EPHB1: variants seen among roughly 807,000 people sequenced by gnomAD.
EPHB1 encodes the protein EPH receptor B1.
EPHB1 carries 30 observed loss-of-function variants against 94.4 expected under a neutral mutation model. That is an observed-to-expected ratio of 0.32 (90% CI 0.24 to 0.43). The LOEUF is 0.43. Among genes scored for constraint, EPHB1 ranks in the 20% least tolerant of loss-of-function variants. EPHB1 has a pLI of 1.00. For synonymous variants in EPHB1, 522 were observed against 489.1 expected (o/e 1.07, Z -0.89); for missense variants, 1,055 against 1,308.3 (o/e 0.81, Z 2.99).
chr3:135,234,506 T>A (rs1393390363), intron 12 of EPHB1, among the ~76,000 whole-genome samples: 1 of 152,236 alleles, frequency 6.6e-6, no homozygotes, highest in African/African-American at 2.4e-5. Context: ...CCAAAGTCAC[T>A]ACCACATTTT....
chr3:135,203,880 G>T (rs577422401), intron 12 of EPHB1, among the ~76,000 whole-genome samples: 2 of 152,106 alleles, frequency 1.3e-5, no homozygotes, highest in Non-Finnish European at 2.9e-5. Flanking sequence ...GTATGGTGCC[G>T]GGCTTCAGCA....
chr3:134,808,712 T>C (rs1029896748), intron 1 of EPHB1, among the ~76,000 whole-genome samples: 1 of 152,200 alleles, frequency 6.6e-6, no homozygotes, highest in African/African-American at 2.4e-5. Flanking sequence ...AAGGGAGGTC[T>C]GGAGACAGCT....
chr3:134,992,361 C>G (rs1417473037), intron 3 of EPHB1, among the ~76,000 whole-genome samples: 1 of 152,026 alleles, frequency 6.6e-6, no homozygotes, highest in Admixed American at 6.6e-5. Context: ...AGAGAGCCAA[C>G]CACGCACAGC....
At chr3:135,060,039 A>C (rs1316544487) in intron 3 of EPHB1, among the ~76,000 whole-genome samples, 1 of 152,228 alleles carries the variant, frequency 6.6e-6, no homozygotes, top group East Asian at 1.9e-4. Flanking sequence ...ACAATATTGA[A>C]ATATATTTAA....
chr3:134,963,430 A>T (rs879414210), intron 3 of EPHB1, among the ~76,000 whole-genome samples: 32 of 152,106 alleles, frequency 2.1e-4, no homozygotes. Context: ...ACTGCCACTG[A>T]TGGTTGTATG....
chr3:135,154,046 G>A, intron 5 of EPHB1, 106 bp from the exon 6 acceptor site: 1 of 1,467,590 alleles, frequency 6.8e-7, no homozygotes, highest in South Asian at 1.3e-5. Flanking sequence ...AGAAGGAGCA[G>A]AGTTCAAGCC....
rs145562112 is a variant in EPHB1, at chr3:135,209,646, G to A, written c.2346+7957G>A. On this transcript the variant is annotated intron_variant, in intron 12 of 15. Transcript: ENST00000398015. ...TCCAGATTGAGGGGCATGATACTGG[G>A]TATACCATGTGATCCTTAACAGGAC... Among the ~76,000 whole-genome samples the A allele has an allele frequency of 2.3e-4, 35 of 152,280 alleles. No individual in the cohort carries two copies. In the East Asian group the frequency reaches 5.2e-3, roughly 23 times the overall value.
chr3:134,819,424 T>G (rs979475446), intron 1 of EPHB1, among the ~76,000 whole-genome samples: 13 of 152,190 alleles, frequency 8.5e-5, no homozygotes, highest in African/African-American at 3.1e-4. Flanking sequence ...GGTTCTCATC[T>G]CCACTTGACC....
intron 11 of EPHB1, 64 bp downstream of exon 11, chr3:135,192,887 G>A: frequency 1.3e-6 from 2 of 1,576,788 alleles, no homozygotes; most frequent in Middle Eastern, 1.7e-4. Context: ...TGGGGAGAGG[G>A]GTTCCATGAG....
At chr3:135,089,114 G>A (rs1938469818) in intron 3 of EPHB1, among the ~76,000 whole-genome samples, 1 of 152,182 alleles carries the variant, frequency 6.6e-6, no homozygotes, top group Admixed American at 6.5e-5. Flanking sequence ...AGTTATGTTG[G>A]CATAGTTGAT....
chr3:135,115,123 G>A (rs1359192922), intron 4 of EPHB1, among the ~76,000 whole-genome samples: 1 of 152,220 alleles, frequency 6.6e-6, no homozygotes, highest in African/African-American at 2.4e-5. Context: ...TACTTGTGAA[G>A]TTCCAGAAGG....
chr3:134,851,383 T>A (rs2036981047), intron 1 of EPHB1, among the ~76,000 whole-genome samples: 1 of 151,938 alleles, frequency 6.6e-6, no homozygotes, highest in Non-Finnish European at 1.5e-5. Context: ...ATCTCCCCTC[T>A]CCTCTTTGCA....
chr3:135,147,315 A>G (rs2107692568), intron 5 of EPHB1, among the ~76,000 whole-genome samples: 1 of 152,376 alleles, frequency 6.6e-6, no homozygotes, highest in Non-Finnish European at 1.5e-5. Flanking sequence ...TAGTATTACC[A>G]TATGATCCAG....
intron 3 of EPHB1, among the ~76,000 whole-genome samples, chr3:135,089,255 C>T (rs1182473621): frequency 6.6e-6 from 1 of 152,194 alleles, no homozygotes; most frequent in Non-Finnish European, 1.5e-5. Context: ...CCAGGTGTAC[C>T]ACCAGCAGTG....
chr3:135,245,509 T>G (rs1943895737), intron 13 of EPHB1, among the ~76,000 whole-genome samples: 1 of 47,496 alleles, frequency 2.1e-5, no homozygotes. Flanking sequence ...ACCAGAACAG[T>G]CTTCAAAAAA....
At chr3:134,918,758 G>A (rs72971638) in intron 1 of EPHB1, among the ~76,000 whole-genome samples, 3,191 of 152,276 alleles carry the variant, frequency 0.021, 124 homozygotes, top group African/African-American at 0.072. Context: ...CTTCTGGGCT[G>A]GTTCCAGTTT....
intron 2 of EPHB1, among the ~76,000 whole-genome samples, chr3:134,927,746 C>T (rs538747991): frequency 6.6e-6 from 1 of 152,358 alleles, no homozygotes; most frequent in African/African-American, 2.4e-5. Flanking sequence ...GAGACAGCAG[C>T]TGCCTGGGCT....
intron 3 of EPHB1, among the ~76,000 whole-genome samples, chr3:135,102,955 G>A (rs6439557): frequency 0.57 from 86,175 of 151,094 alleles, 24,653 homozygotes; most frequent in East Asian, 0.76. Flanking sequence ...GGAAGGGAAC[G>A]TCACACCCTG....
At chr3:135,255,323 G>A (rs1423068321) in intron 15 of EPHB1, among the ~76,000 whole-genome samples, 6 of 151,572 alleles carry the variant, frequency 4.0e-5, no homozygotes, top group South Asian at 2.1e-4. Flanking sequence ...TGTCAATTTT[G>A]GATCTTTCCT....
Sources: gnomAD v4.1 joint callset for allele counts (sites outside exome capture counted in the v4.1 genomes callset) on GRCh38, gnomAD v4.1.1 for gene constraint, MANE v1.5 for transcripts, NCBI Gene and HGNC (gene_info 2026-07-23, HGNC 2026-07-21) for gene names.